RMDN1: variants seen among roughly 807,000 people sequenced by gnomAD.
The protein encoded by RMDN1 is regulator of microtubule dynamics 1.
In RMDN1, 48 loss-of-function variants were observed where a neutral mutation model predicts 48.9. The observed-to-expected ratio is 0.98, with a 90% CI of 0.78 to 1.25. The LOEUF (loss-of-function observed/expected upper bound fraction) is 1.25, where lower values mean the gene tolerates loss of function less well. Ranked by LOEUF, RMDN1 falls within the 50% of genes most tolerant of loss-of-function variation. The pLI is 0.00. For missense variants in RMDN1, 418 were observed against 373.4 expected, an observed-to-expected ratio of 1.12 and a Z score of -0.98; for synonymous variants, 148 against 132.6, an observed-to-expected ratio of 1.12 and a Z score of -0.80.
chr8:86,492,815 A>G (rs1816728390), intron 2 of RMDN1, among the ~76,000 whole-genome samples: 1 of 151,980 alleles, frequency 6.6e-6, no homozygotes, highest in Admixed American at 6.6e-5. Context: ...CATCCAACTA[A>G]AATGTCAATG....
At chr8:86,490,294 A>T (rs1261509982) in intron 2 of RMDN1, among the ~76,000 whole-genome samples, 3 of 152,200 alleles carry the variant, frequency 2.0e-5, no homozygotes, top group African/African-American at 7.2e-5. Flanking sequence ...CTGTAGATAG[A>T]ATTAAGGCTG....
In RMDN1 at chr8:86,483,497, T is replaced by C. The variant is rs144689356; in HGVS notation, c.585+1375A>G. ...GTGCCACTAAGAAAGAAAGTATCACTGCCAACTACAATGTAAGGTTCCAGC... is the reference window on the plus strand; with the variant it reads ...GTGCCACTAAGAAAGAAAGTATCACCGCCAACTACAATGTAAGGTTCCAGC... On this transcript the variant is annotated intron_variant, in intron 5 of 9. Coordinates refer to ENST00000406452, the MANE Select transcript of RMDN1 (RefSeq NM_016033.3). Among the ~76,000 whole-genome samples, 301 of 152,166 alleles carry C rather than the reference T, an allele frequency of 2.0e-3. 3 individuals are homozygous for C. The highest frequency in any genetic ancestry group is 6.8e-3 in the Middle Eastern group (2 of 294).
At chr8:86,510,754 C>G (rs1263902278), upstream of RMDN1, among the ~76,000 whole-genome samples, 1 of 152,174 alleles carries the variant, frequency 6.6e-6, no homozygotes, top group African/African-American at 2.4e-5. Flanking sequence ...CAACTGATAA[C>G]TAATATAACA....
chr8:86,508,667 G>T lies in RMDN1; in HGVS notation c.-47C>A. The T allele has an allele frequency of 6.5e-7, 1 of 1,539,202 alleles. No individual in the cohort carries two copies. On this transcript the variant is annotated 5_prime_UTR_variant, in exon 1 of 10. Coordinates refer to ENST00000406452, the MANE Select transcript of RMDN1 (RefSeq NM_016033.3). ...CCCTGCACTACTTCAGGCAGCTACG[G>T]AGGCGGGCGGGGCTAAAGGAGATTC...
intron 9 of RMDN1, 37 bp from the exon 10 acceptor site, chr8:86,474,395 G>A (rs747567977): frequency 2.3e-5 from 34 of 1,497,228 alleles, no homozygotes; most frequent in Non-Finnish European, 2.9e-5. Context: ...GTAAACAGGA[G>A]AGCTAAGAGA....
chr8:86,484,910 T>C lies in RMDN1; in HGVS notation c.547A>G (p.Lys183Glu). The change falls in exon 5 of 10, where the codon AAA (lysine) becomes GAA (glutamate). Residue 183 changes from lysine to glutamate, a missense_variant. By Grantham distance (56) the Lys-to-Glu change is moderately conservative. Coordinates refer to ENST00000406452, the MANE Select transcript of RMDN1 (RefSeq NM_016033.3). ...DVGDYEGIKAKIANAYIIKEH... is the reference protein window; with the variant it reads ...DVGDYEGIKAEIANAYIIKEH... ...TTGATGATATATGCATTTGCAATTT[T>C]AGCCTTGATGCCTTCATAATCTCCA... 4 of 1,608,634 alleles carry C rather than the reference T, an allele frequency of 2.5e-6. No homozygotes were observed. Among genetic ancestry groups the C allele is most frequent in the Non-Finnish European group, 2.5e-6 (3 of 1,176,728 alleles).
intron 2 of RMDN1, among the ~76,000 whole-genome samples, chr8:86,500,729 T>C (rs1262704674): frequency 6.6e-6 from 1 of 152,136 alleles, no homozygotes; most frequent in African/African-American, 2.4e-5. Flanking sequence ...TCTACCAAAG[T>C]GACACACACG....
intron 3 of RMDN1, 37 bp from the exon 4 acceptor site, chr8:86,486,680 T>C (rs769433845): frequency 4.4e-5 from 67 of 1,527,592 alleles, no homozygotes; most frequent in Non-Finnish European, 5.8e-5. Flanking sequence ...CCATTTTAGC[T>C]CACATTTAAA....
chr8:86,470,266 G>A (rs768306869), downstream of RMDN1: 3 of 1,289,240 alleles, frequency 2.3e-6, no homozygotes, highest in Admixed American at 2.3e-5. Context: ...CCAGCAGTCA[G>A]CTCTGGAATC....
intron 5 of RMDN1, among the ~76,000 whole-genome samples, chr8:86,480,738 AAAG>A (rs1176301818): frequency 6.6e-6 from 1 of 152,158 alleles, no homozygotes; most frequent in African/African-American, 2.4e-5. Context: ...ATTCTTTCCT[AAAG>A]AAGAAAAGTG....
intron 2 of RMDN1, among the ~76,000 whole-genome samples, chr8:86,498,138 C>A (rs190870091): frequency 7.2e-5 from 11 of 152,078 alleles, no homozygotes; most frequent in African/African-American, 2.7e-4. Context: ...CACCTCTAGG[C>A]ATACAAACTA....
intron 2 of RMDN1, among the ~76,000 whole-genome samples, chr8:86,499,453 C>T (rs1817869396): frequency 6.6e-6 from 1 of 152,052 alleles, no homozygotes; most frequent in South Asian, 2.1e-4. Context: ...ATAAAAAACG[C>T]AACCCCATTC....
chr8:86,510,207 GAGT>G (rs1819972492), upstream of RMDN1, among the ~76,000 whole-genome samples: 1 of 152,060 alleles, frequency 6.6e-6, no homozygotes, highest in Non-Finnish European at 1.5e-5. Flanking sequence ...GGCCTTTTGA[GAGT>G]AGATTACAGA....
intron 1 of RMDN1, chr8:86,508,023 C>A (rs7011479): frequency 0.99 from 152,497 of 153,882 alleles, 75,573 homozygotes; most frequent in Middle Eastern, 1. Context: ...TATGCAGATA[C>A]AACGGGCAAC....
downstream of RMDN1, among the ~76,000 whole-genome samples, chr8:86,468,955 C>G (rs765456148): frequency 6.6e-5 from 10 of 152,126 alleles, no homozygotes; most frequent in Non-Finnish European, 1.0e-4. Context: ...AAACACAGTT[C>G]ATGAGGAAAC....
intron 2 of RMDN1, among the ~76,000 whole-genome samples, chr8:86,493,039 A>G (rs915802188): frequency 5.3e-5 from 8 of 151,704 alleles, no homozygotes; most frequent in African/African-American, 9.7e-5. Flanking sequence ...GAGATATAGG[A>G]CAAAGAAAAA....
downstream of RMDN1, among the ~76,000 whole-genome samples, chr8:86,469,420 A>G (rs896915963): frequency 6.6e-6 from 1 of 152,124 alleles, no homozygotes; most frequent in Non-Finnish European, 1.5e-5. Flanking sequence ...AGCTTTGGGC[A>G]TACCTGAGTG....
downstream of RMDN1, chr8:86,472,303 G>A: frequency 1.6e-6 from 1 of 624,704 alleles, no homozygotes; most frequent in Non-Finnish European, 2.9e-6. Context: ...GATGCTACAG[G>A]TAGAAAATTC....
At position 86,482,156 on chromosome 8, in the gene RMDN1, T is replaced by C. The variant is rs1336128672; in HGVS notation, c.586-1824A>G. ...GTGGCTTATGCCTGTAATCTCAGCATTTTGGGAGGCTGAGGTGGGCAGATC... is the reference window on the plus strand; with the variant it reads ...GTGGCTTATGCCTGTAATCTCAGCACTTTGGGAGGCTGAGGTGGGCAGATC... On this transcript the variant is annotated intron_variant, in intron 5 of 9. Coordinates refer to ENST00000406452, the MANE Select transcript of RMDN1 (RefSeq NM_016033.3). 2.3e-5 allele frequency: 11 copies of C among 470,682 alleles called. No homozygotes were observed. In the East Asian group the frequency reaches 3.9e-4, roughly 17 times the overall value. The allele number at this position is 470,682 out of a possible 1,614,324, so 29.2% of individuals were successfully genotyped here.
Sources: allele counts gnomAD v4.1 joint callset (sites outside exome capture counted in the v4.1 genomes callset), GRCh38; gene constraint gnomAD v4.1.1; transcripts MANE v1.5; gene names NCBI Gene and HGNC (gene_info 2026-07-23, HGNC 2026-07-21).